Variants in KDM4C observed in about 807,000 individuals in gnomAD.
KDM4C encodes the protein lysine demethylase 4C, also known as lysine-specific demethylase 4C.
A neutral mutation model predicts 129.3 loss-of-function variants in KDM4C; 81 were observed. The ratio of observed to expected loss-of-function variants is 0.63; its 90% CI spans 0.52 to 0.75. The LOEUF is 0.75. Among genes scored for constraint, KDM4C ranks in the 30% least tolerant of loss-of-function variants. KDM4C has a pLI of 0.00. For missense variants in KDM4C, 1,457 were observed against 1,304.0 expected (o/e 1.12, Z -1.81); for synonymous variants, 573 against 456.1 (o/e 1.26, Z -3.26).
chr9:6,941,139 T>C (rs1476598538), intron 8 of KDM4C, among the ~76,000 whole-genome samples: 1 of 152,034 alleles, frequency 6.6e-6, no homozygotes, highest in Non-Finnish European at 1.5e-5. Flanking sequence ...CAAGCGATTC[T>C]TGTGCCTCAG....
intron 1 of KDM4C, among the ~76,000 whole-genome samples, chr9:6,766,935 T>C (rs1820746688): frequency 6.6e-6 from 1 of 152,140 alleles, no homozygotes; most frequent in Admixed American, 6.5e-5. Context: ...CATTTGTTTT[T>C]TGTACCAGAT....
intron 5 of KDM4C, among the ~76,000 whole-genome samples, chr9:6,869,765 A>G (rs1842582119): frequency 6.6e-6 from 1 of 152,228 alleles, no homozygotes; most frequent in Non-Finnish European, 1.5e-5. Flanking sequence ...GAAGGCAGCA[A>G]GGGCCTTGCC....
chr9:7,026,021 G>A (rs905569568), intron 15 of KDM4C, among the ~76,000 whole-genome samples: 3 of 151,982 alleles, frequency 2.0e-5, no homozygotes, highest in Non-Finnish European at 4.4e-5. Context: ...CCTGGAAAAT[G>A]TGGCAAAGCT....
chr9:7,090,055 CA>C (rs1420231153), intron 17 of KDM4C, among the ~76,000 whole-genome samples: 60 of 152,222 alleles, frequency 3.9e-4, no homozygotes, highest in African/African-American at 1.4e-3. Context: ...TGTTGCTGTC[CA>C]ATGCTTGAAA....
chr9:6,780,119 G>C (rs1201279716), intron 1 of KDM4C, among the ~76,000 whole-genome samples: 1 of 152,048 alleles, frequency 6.6e-6, no homozygotes, highest in Non-Finnish European at 1.5e-5. Context: ...GGCTAAGTAG[G>C]CTATGCCTAT....
intron 19 of KDM4C, among the ~76,000 whole-genome samples, chr9:7,140,807 A>G (rs919804123): frequency 2.6e-5 from 4 of 152,234 alleles, no homozygotes; most frequent in Non-Finnish European, 4.4e-5. Flanking sequence ...CATACGCAGC[A>G]TGTATAAAAG....
At chr9:6,967,512 A>G (rs1040769372) in intron 8 of KDM4C, among the ~76,000 whole-genome samples, 1 of 152,144 alleles carries the variant, frequency 6.6e-6, no homozygotes, top group Non-Finnish European at 1.5e-5. Flanking sequence ...ACATGAATGT[A>G]CAGTTGTTCC....
In KDM4C at chr9:6,777,339, T is replaced by C. The variant is rs115619018; in HGVS notation, c.-17-15633T>C. Among the ~76,000 whole-genome samples the C allele has an allele frequency of 3.6e-3, 552 of 152,320 alleles. 5 individuals are homozygous for C. The highest frequency in any genetic ancestry group is 0.013 in the African/African-American group (533 of 41,564). On this transcript the variant is annotated intron_variant, in intron 1 of 21. Coordinates refer to ENST00000381309, the MANE Select transcript of KDM4C (RefSeq NM_015061.6). ...TAGGTTTTATCTTTTCAAAGCTGCT[T>C]TTGAGTGAGTTTGTTAACCTCTTGA...
intron 8 of KDM4C, among the ~76,000 whole-genome samples, chr9:6,901,951 T>C (rs769142881): frequency 1.1e-4 from 17 of 152,184 alleles, no homozygotes; most frequent in Non-Finnish European, 2.4e-4. Context: ...CCAAAATCAG[T>C]AGGATTAGAA....
intron 10 of KDM4C, 101 bp from the exon 11 acceptor site, chr9:6,986,243 A>ATGTGTGTG (rs1817677468): frequency 2.7e-6 from 2 of 751,106 alleles, no homozygotes; most frequent in Non-Finnish European, 4.3e-6. Context: ...ATGCGTGTGT[A>ATGTGTGTG]TGTGTGTGTA....
intron 5 of KDM4C, among the ~76,000 whole-genome samples, chr9:6,850,390 G>T (rs1057045193): frequency 6.6e-6 from 1 of 152,146 alleles, no homozygotes. Context: ...CTTCCTGGGT[G>T]TAGTTTCAAA....
intron 17 of KDM4C, among the ~76,000 whole-genome samples, chr9:7,083,799 C>T (rs924885957): frequency 1.3e-5 from 2 of 149,542 alleles, no homozygotes; most frequent in African/African-American, 4.9e-5. Flanking sequence ...GATTATGTTC[C>T]TTCCCTATCA....
At chr9:6,990,941 C>G (rs1818628585) in intron 12 of KDM4C, among the ~76,000 whole-genome samples, 1 of 152,144 alleles carries the variant, frequency 6.6e-6, no homozygotes, top group Non-Finnish European at 1.5e-5. Flanking sequence ...GTGCCATATC[C>G]TTTTCCATAT....
At chr9:7,058,500 T>C (rs1252024485) in intron 17 of KDM4C, among the ~76,000 whole-genome samples, 1 of 152,204 alleles carries the variant, frequency 6.6e-6, no homozygotes, top group African/African-American at 2.4e-5. Context: ...CTTGAAGATC[T>C]AGCAGTCGCT....
At position 6,918,168 on chromosome 9, in the gene KDM4C, G is replaced by A. The variant is rs1044727685; in HGVS notation, c.921+24936G>A. 6.6e-5 allele frequency among the ~76,000 whole-genome samples: 10 copies of A among 152,154 alleles called. No homozygotes were observed. The South Asian group carries it at 8.3e-4, about 13-fold the overall frequency. On this transcript the variant is annotated intron_variant, in intron 8 of 21. Coordinates refer to ENST00000381309, the MANE Select transcript of KDM4C (RefSeq NM_015061.6). ...AAGGTAGCTTTTTTTAGCCTTTGCC[G>A]TACTCCCTCTCTCATTCTGGTAGTC...
chr9:6,964,176 G>A (rs1830499547), intron 8 of KDM4C, among the ~76,000 whole-genome samples: 1 of 152,008 alleles, frequency 6.6e-6, no homozygotes. Context: ...TGCCACGTTG[G>A]TGTGCTGCAC....
intron 8 of KDM4C, among the ~76,000 whole-genome samples, chr9:6,943,588 T>C (rs1398522652): frequency 1.3e-5 from 2 of 151,920 alleles, no homozygotes; most frequent in African/African-American, 4.8e-5. Context: ...GGTGGGAAGA[T>C]TGCTTGAGCC....
At chr9:7,164,603 C>T (rs1226566120) in intron 19 of KDM4C, among the ~76,000 whole-genome samples, 1 of 152,186 alleles carries the variant, frequency 6.6e-6, no homozygotes, top group African/African-American at 2.4e-5. Context: ...CCCAGCTCCA[C>T]CCGCCGTGCT....
In KDM4C at chr9:6,902,151, T is replaced by C. The variant is rs189987840; in HGVS notation, c.921+8919T>C. Among the ~76,000 whole-genome samples, 4 of 152,304 alleles carry C rather than the reference T, an allele frequency of 2.6e-5. No individual in the cohort carries two copies. In the East Asian group the frequency reaches 7.7e-4, roughly 29 times the overall value. On this transcript the variant is annotated intron_variant, in intron 8 of 21. Transcript: ENST00000381309. The stretch of plus-strand genomic sequence containing the variant: ...TGAGTTCCAAAACATTAACTTAATA[T>C]CTATTTATAAATTGGAGATGTGTAA...
Sources: gnomAD v4.1 joint callset for allele counts (sites outside exome capture counted in the v4.1 genomes callset) on GRCh38, gnomAD v4.1.1 for gene constraint, MANE v1.5 for transcripts, NCBI Gene and HGNC (gene_info 2026-07-23, HGNC 2026-07-21) for gene names.